IFT27: variants seen among roughly 807,000 people sequenced by gnomAD.
IFT27 encodes the protein intraflagellar transport 27.
IFT27 carries 19 observed loss-of-function variants against 23.9 expected under a neutral mutation model. The ratio of observed to expected loss-of-function variants is 0.79; its 90% CI spans 0.55 to 1.16. The LOEUF (loss-of-function observed/expected upper bound fraction) is 1.16, where lower values mean the gene tolerates loss of function less well. Ranked by LOEUF, IFT27 falls within the 50% of genes most tolerant of loss-of-function variation. The pLI is 0.00. For synonymous variants in IFT27, 91 were observed against 89.1 expected, an observed-to-expected ratio of 1.02 and a Z score of -0.12; for missense variants, 206 against 228.7, an observed-to-expected ratio of 0.90 and a Z score of 0.64.
chr22:36,763,004 A>G lies in IFT27; in HGVS notation c.362T>C (p.Val121Ala), dbSNP rs1416206151. Residue 121 changes from valine to alanine, a missense_variant, in exon 6 of 7, where the codon GTT becomes GCT. Physicochemically the swap from Val to Ala is moderately conservative, Grantham distance 64 (BLOSUM62 0). Coordinates refer to ENST00000433985, the MANE Select transcript of IFT27 (RefSeq NM_001177701.3). ...APGISLPGVL[V>A]GNKTDLAGRR... The stretch of plus-strand genomic sequence containing the variant: ...GCCGGCCAGGTCTGTCTTGTTCCCA[A>G]CTAAAACACCTACTCAGAAGAAACA... 6.3e-7 allele frequency: 1 copy of G among 1,597,592 alleles called. No homozygotes were observed. Among genetic ancestry groups the G allele is most frequent in the Non-Finnish European group, 8.5e-7 (1 of 1,170,298 alleles).
At chr22:36,775,044 A>T (rs1938471605) in intron 1 of IFT27, among the ~76,000 whole-genome samples, 1 of 152,250 alleles carries the variant, frequency 6.6e-6, no homozygotes, top group East Asian at 1.9e-4. Context: ...AAAAGTATTT[A>T]TTGAGTACCT....
chr22:36,768,719 T>A (rs539235606), intron 1 of IFT27, among the ~76,000 whole-genome samples: 12 of 152,294 alleles, frequency 7.9e-5, no homozygotes, highest in African/African-American at 2.4e-4. Context: ...CATCTTTAAT[T>A]CCCTTTGCCC....
At chr22:36,768,732 C>T (rs559150697) in intron 1 of IFT27, among the ~76,000 whole-genome samples, 14 of 152,336 alleles carry the variant, frequency 9.2e-5, no homozygotes, top group Non-Finnish European at 1.5e-4. Flanking sequence ...CTTTGCCCTC[C>T]CCATTTTCCC....
rs1304211379 is a variant in IFT27, at chr22:36,775,736, C to T, written c.-29G>A. 2 of 1,613,862 alleles carry T rather than the reference C, an allele frequency of 1.2e-6. No homozygotes were observed. Among genetic ancestry groups the T allele is most frequent in the Non-Finnish European group, 1.7e-6 (2 of 1,179,920 alleles). The stretch of plus-strand genomic sequence containing the variant: ...AACCAACACTCCCGCGAGCCGTACC[C>T]AGAGGACAAGAGCGGCTGCTAGAGA... On this transcript the variant is annotated 5_prime_UTR_variant, in exon 1 of 7. Coordinates refer to ENST00000433985, the MANE Select transcript of IFT27 (RefSeq NM_001177701.3).
rs79911438 is a variant in IFT27, at chr22:36,767,954, C to T, written c.35-92G>A. 6,508 of 1,174,090 alleles carry T rather than the reference C, an allele frequency of 5.5e-3. 237 individuals carry two copies. In the African/African-American group the frequency reaches 0.086, roughly 16 times the overall value. 72.7% of individuals were successfully genotyped at this position (1,174,090 alleles called of 1,614,324 possible). On this transcript the variant is annotated intron_variant, in intron 1 of 6. Coordinates refer to ENST00000433985, the MANE Select transcript of IFT27 (RefSeq NM_001177701.3). ...AGAACATTAGTCTAGAAACCAAAAA[C>T]TTCAATGAGTTTTGAGAGATGTACT...
intron 1 of IFT27, among the ~76,000 whole-genome samples, chr22:36,773,547 G>A (rs1378954969): frequency 1.3e-5 from 2 of 151,810 alleles, no homozygotes; most frequent in East Asian, 3.9e-4. Flanking sequence ...CCAGCTACTT[G>A]GGAGGCTGAG....
intron 1 of IFT27, among the ~76,000 whole-genome samples, chr22:36,774,807 G>A (rs1056991337): frequency 1.8e-4 from 27 of 148,318 alleles, no homozygotes; most frequent in Non-Finnish European, 3.3e-4. Flanking sequence ...GTGAGACTCC[G>A]TCTCAAAAAA....
intron 5 of IFT27, chr22:36,763,411 C>T: frequency 3.9e-6 from 1 of 254,180 alleles, no homozygotes; most frequent in South Asian, 5.9e-5. Flanking sequence ...GTCAGGGATT[C>T]AGAGGTAATT....
At position 36,775,786 on chromosome 22, in the gene IFT27, T is replaced by C; in HGVS notation, c.-79A>G. The C allele has an allele frequency of 2.8e-6, 4 of 1,422,586 alleles. No individual in the cohort carries two copies. The highest frequency in any genetic ancestry group is 4.0e-6 in the Non-Finnish European group (4 of 1,006,720). 88.1% of individuals were successfully genotyped at this position (1,422,586 alleles called of 1,614,324 possible). A position where few individuals can be genotyped will look rare whatever the true frequency, so the allele number is the denominator to read the frequency against. ...ACGCGAGTGGGTGGGCTTCGGGCCC[T>C]GGGCTGGCCTGGGACGGGAAGGTGG... On this transcript the variant is annotated 5_prime_UTR_variant, in exon 1 of 7. Transcript: ENST00000433985.
intron 1 of IFT27, chr22:36,768,280 G>T: frequency 2.8e-6 from 1 of 357,090 alleles, no homozygotes; most frequent in Non-Finnish European, 5.5e-6. Context: ...CTGTCCAACT[G>T]ACCCAACCTG....
At chr22:36,772,783 G>GA in intron 1 of IFT27, 1 of 982,836 alleles carries the variant, frequency 1.0e-6, no homozygotes, top group Non-Finnish European at 1.2e-6. Context: ...TTATGTGAGA[G>GA]AAAAAACAGA....
intron 1 of IFT27, among the ~76,000 whole-genome samples, chr22:36,773,300 G>A (rs552108730): frequency 1.3e-5 from 2 of 152,140 alleles, no homozygotes; most frequent in Admixed American, 6.5e-5. Flanking sequence ...GGAAGTTGCA[G>A]TGAGCTAAGG....
At chr22:36,771,048 G>C (rs538039255) in intron 1 of IFT27, among the ~76,000 whole-genome samples, 3 of 130,680 alleles carry the variant, frequency 2.3e-5, no homozygotes, top group African/African-American at 8.5e-5. Context: ...CTGTCTTGGG[G>C]TGTGTGTGTG....
At chr22:36,770,850 G>C (rs564244231) in intron 1 of IFT27, among the ~76,000 whole-genome samples, 2 of 152,294 alleles carry the variant, frequency 1.3e-5, no homozygotes, top group Admixed American at 6.5e-5. Context: ...ACAGTGTGCA[G>C]GGGAGGGGCC....
At chr22:36,770,970 C>T (rs973500349) in intron 1 of IFT27, among the ~76,000 whole-genome samples, 11 of 152,198 alleles carry the variant, frequency 7.2e-5, no homozygotes, top group Admixed American at 1.3e-4. Context: ...CTGCTCTTCC[C>T]GCCTGCTTCT....
chr22:36,767,329 C>G lies in IFT27; in HGVS notation c.151G>C (p.Val51Leu). 2 of 1,613,952 alleles carry G rather than the reference C, an allele frequency of 1.2e-6. No individual in the cohort carries two copies. The highest frequency in any genetic ancestry group is 1.7e-6 in the Non-Finnish European group (2 of 1,179,912). Residue 51 changes from valine (V) to leucine (L), a missense_variant, in exon 3 of 7, where the codon GTT becomes CTT. By Grantham distance (32) the Val-to-Leu change is conservative (BLOSUM62 1). Transcript: ENST00000433985. The part of the protein sequence containing the change: ...GMDLVVKTVP[V>L]PDTGDSVELF... ...ACCACACTGTCTCCCGTGTCAGGAA[C>G]TGGCACTGTCTTCACCACCAAATCC...
intron 1 of IFT27, among the ~76,000 whole-genome samples, chr22:36,770,578 A>T (rs1292153179): frequency 1.3e-5 from 2 of 152,152 alleles, no homozygotes; most frequent in African/African-American, 2.4e-5. Context: ...AAGCTCCGTC[A>T]TGCCCTGGTC....
At chr22:36,769,415 T>C (rs141511588) in intron 1 of IFT27, among the ~76,000 whole-genome samples, 28 of 152,308 alleles carry the variant, frequency 1.8e-4, no homozygotes, top group Non-Finnish European at 2.8e-4. Flanking sequence ...AGTACAGTGG[T>C]GCGATCTAGG....
At chr22:36,766,114 G>C in intron 4 of IFT27, 24 bp downstream of exon 4, 1 of 1,606,036 alleles carries the variant, frequency 6.2e-7, no homozygotes, top group Non-Finnish European at 8.5e-7. Context: ...GTGACAGTCA[G>C]GAAAAAGACC....
Sources: gnomAD v4.1 joint callset for allele counts (sites outside exome capture counted in the v4.1 genomes callset) on GRCh38, gnomAD v4.1.1 for gene constraint, MANE v1.5 for transcripts, NCBI Gene and HGNC (gene_info 2026-07-23, HGNC 2026-07-21) for gene names.